The following TSGA10 variants were observed in gnomAD, a reference collection of about 807,000 sequenced individuals.
TSGA10 encodes the protein testis-specific gene 10 protein.
Under a neutral mutation model 96.6 loss-of-function variants are expected in TSGA10, and 43 were observed. The ratio of observed to expected loss-of-function variants is 0.44; its 90% CI spans 0.35 to 0.57. The LOEUF (loss-of-function observed/expected upper bound fraction) is 0.57. Among genes scored for constraint, TSGA10 ranks in the 20% least tolerant of loss-of-function variants. The probability of loss-of-function intolerance (pLI) is 0.01; values close to 1 mark genes in which losing one functional copy is unlikely to be tolerated. For missense variants in TSGA10, 703 were observed against 834.4 expected (o/e 0.84, Z 1.94); for synonymous variants, 229 against 269.9 (o/e 0.85, Z 1.48).
At chr2:99,027,791 CT>C (rs2080764772) in intron 17 of TSGA10, among the ~76,000 whole-genome samples, 1 of 152,086 alleles carries the variant, frequency 6.6e-6, no homozygotes, top group Non-Finnish European at 1.5e-5. Flanking sequence ...AAGACAGTTT[CT>C]TTTGTTTGCT....
intron 18 of TSGA10, 53 bp from the exon 19 acceptor site, chr2:99,018,693 G>T: frequency 2.1e-6 from 3 of 1,460,664 alleles, no homozygotes; most frequent in South Asian, 1.3e-5. Flanking sequence ...ATATGGCTAT[G>T]ATTCTGGGGT....
chr2:98,998,191 C>T lies in TSGA10; in HGVS notation c.*6G>A. Reference sequence around the variant, plus strand: ...TTCTCAGGGATGTGAAGAATCATTTCAGGTGTCAGAAATCTCTGTAGCAAA... The same window carrying T: ...TTCTCAGGGATGTGAAGAATCATTTTAGGTGTCAGAAATCTCTGTAGCAAA... On this transcript the variant is annotated 3_prime_UTR_variant, in exon 21 of 21. Transcript: ENST00000393483. 1 of 1,597,916 alleles carries T rather than the reference C, an allele frequency of 6.3e-7. No individual in the cohort carries two copies. The highest frequency in any genetic ancestry group is 8.5e-7 in the Non-Finnish European group (1 of 1,174,386).
chr2:99,025,558 G>A (rs1006223070), intron 17 of TSGA10, among the ~76,000 whole-genome samples: 1 of 152,018 alleles, frequency 6.6e-6, no homozygotes, highest in African/African-American at 2.4e-5. Flanking sequence ...ACAAGCTTGT[G>A]GCTTCTTTGA....
chr2:99,142,969 T>C (rs1336753680), intron 1 of TSGA10, among the ~76,000 whole-genome samples: 1 of 152,020 alleles, frequency 6.6e-6, no homozygotes, highest in Non-Finnish European at 1.5e-5. Context: ...TTGGAAAGAA[T>C]ATAAGGAAAT....
At chr2:99,076,619 C>T (rs2086729179) in intron 12 of TSGA10, among the ~76,000 whole-genome samples, 1 of 151,950 alleles carries the variant, frequency 6.6e-6, no homozygotes, top group African/African-American at 2.4e-5. Context: ...TGTAAGGTTG[C>T]AATGAGCATC....
intron 1 of TSGA10, among the ~76,000 whole-genome samples, chr2:99,132,022 G>A (rs531235459): frequency 6.6e-6 from 1 of 152,168 alleles, no homozygotes; most frequent in East Asian, 1.9e-4. Context: ...GATTTGGTTT[G>A]CCAGTATTTT....
chr2:99,032,605 C>A (rs926384546), intron 17 of TSGA10, among the ~76,000 whole-genome samples: 6 of 152,144 alleles, frequency 3.9e-5, no homozygotes, highest in African/African-American at 1.4e-4. Context: ...TTAAAGGCCA[C>A]CACTTCATCA....
intron 1 of TSGA10, among the ~76,000 whole-genome samples, chr2:99,146,273 TG>T (rs2093631094): frequency 6.6e-6 from 1 of 152,232 alleles, no homozygotes; most frequent in African/African-American, 2.4e-5. Context: ...ATTATCTGTT[TG>T]GGATTCCTCA....
At chr2:99,022,493 T>G (rs2080138402) in intron 17 of TSGA10, among the ~76,000 whole-genome samples, 2 of 152,150 alleles carry the variant, frequency 1.3e-5, no homozygotes, top group African/African-American at 4.8e-5. Flanking sequence ...ATTAGCACAA[T>G]GTTTTTAAGA....
chr2:99,078,933 T>C, intron 11 of TSGA10, 120 bp from the exon 12 acceptor site: 1 of 871,714 alleles, frequency 1.1e-6, no homozygotes, highest in Non-Finnish European at 1.6e-6. Flanking sequence ...ATTCAATTAC[T>C]AACAATGAGT....
At chr2:99,001,819 G>A (rs1292642985) in intron 20 of TSGA10, among the ~76,000 whole-genome samples, 3 of 152,078 alleles carry the variant, frequency 2.0e-5, no homozygotes, top group Admixed American at 6.6e-5. Flanking sequence ...AAACCATGGC[G>A]CGAAAACTAC....
chr2:99,034,915 A>G (rs565711356), intron 17 of TSGA10, among the ~76,000 whole-genome samples: 1 of 152,296 alleles, frequency 6.6e-6, no homozygotes, highest in South Asian at 2.1e-4. Flanking sequence ...GCTTAAAAGA[A>G]TATCATTAAA....
intron 1 of TSGA10, among the ~76,000 whole-genome samples, chr2:99,144,340 CAG>C (rs907942614): frequency 2.6e-5 from 4 of 151,854 alleles, no homozygotes; most frequent in African/African-American, 7.3e-5. Flanking sequence ...TTTTTTAAAT[CAG>C]AGAGTTTCCT....
At chr2:99,039,286 G>A (rs555032408) in intron 16 of TSGA10, among the ~76,000 whole-genome samples, 2 of 145,972 alleles carry the variant, frequency 1.4e-5, no homozygotes, top group South Asian at 4.4e-4. Context: ...AAAGATCAGA[G>A]CAGAATTAAA....
intron 2 of TSGA10, chr2:99,125,428 A>G (rs755064712): frequency 1.3e-4 from 20 of 152,120 alleles, no homozygotes; most frequent in Non-Finnish European, 2.6e-4. Flanking sequence ...TTTTCCTGAG[A>G]CAACTTTTCT....
At chr2:99,118,442 C>A (rs1309784361) in intron 3 of TSGA10, 109 bp downstream of exon 3, 1 of 321,132 alleles carries the variant, frequency 3.1e-6, no homozygotes, top group East Asian at 2.1e-4. Context: ...CACAGCAAGA[C>A]TCTATCTCAA....
At chr2:99,110,985 T>C (rs905230174) in intron 4 of TSGA10, 70 bp from the exon 5 acceptor site, 7 of 402,108 alleles carry the variant, frequency 1.7e-5, no homozygotes, top group Non-Finnish European at 2.3e-5. Context: ...AAAAAGAACA[T>C]CAAAAAAAAG....
chr2:99,105,755 A>G, intron 7 of TSGA10, 58 bp from the exon 8 acceptor site: 1 of 1,446,602 alleles, frequency 6.9e-7, no homozygotes, highest in Non-Finnish European at 9.3e-7. Flanking sequence ...AAACATAAAA[A>G]ATTTTATGTA....
At chr2:99,035,479 T>C in intron 16 of TSGA10, 40 bp from the exon 17 acceptor site, 1 of 1,362,006 alleles carries the variant, frequency 7.3e-7, no homozygotes, top group Non-Finnish European at 1.0e-6. Context: ...TATACATATA[T>C]ATTAAACTGG....
Sources: gnomAD v4.1 joint callset for allele counts (sites outside exome capture counted in the v4.1 genomes callset) on GRCh38, gnomAD v4.1.1 for gene constraint, MANE v1.5 for transcripts, NCBI Gene and HGNC (gene_info 2026-07-23, HGNC 2026-07-21) for gene names.